The following KRTCAP2 variants were observed in gnomAD, a reference collection of about 807,000 sequenced individuals.
The protein encoded by KRTCAP2 is keratinocyte associated protein 2.
Under a neutral mutation model 16.5 loss-of-function variants are expected in KRTCAP2, and 10 were observed. The ratio of observed to expected loss-of-function variants is 0.60; its 90% confidence interval spans 0.37 to 1.02. The LOEUF (loss-of-function observed/expected upper bound fraction) is 1.02. Among genes scored for constraint, KRTCAP2 ranks in the 50% least tolerant of loss-of-function variants. The pLI, the probability that KRTCAP2 is intolerant of heterozygous loss-of-function variation, is 0.01. For missense variants in KRTCAP2, 152 were observed against 159.6 expected (o/e 0.95, Z 0.26); for synonymous variants, 68 against 69.8 (o/e 0.97, Z 0.13).
In KRTCAP2 at chr1:155,171,450, T is replaced by C. The variant is rs1346051574; in HGVS notation, c.223+1115A>G. ...AAAAAAAAAAAGAAGCAAGTGAAGGTAATACATATGGAAACAAAACCTAAC... is the reference window on the plus strand; with the variant it reads ...AAAAAAAAAAAGAAGCAAGTGAAGGCAATACATATGGAAACAAAACCTAAC... On this transcript the variant is annotated intron_variant, in intron 3 of 4. Transcript: ENST00000295682. 3 of 975,298 alleles carry C rather than the reference T, an allele frequency of 3.1e-6. No homozygotes were observed. The African/African-American group carries it at 5.5e-5, about 18-fold the overall frequency. The allele number at this position is 975,298 out of a possible 1,614,324, so 60.4% of individuals were successfully genotyped here. A position where few individuals can be genotyped will look rare whatever the true frequency, so the allele number is the denominator to read the frequency against.
intron 3 of KRTCAP2, chr1:155,170,190 C>A: frequency 4.3e-6 from 1 of 232,228 alleles, no homozygotes; most frequent in African/African-American, 2.3e-5. Context: ...AAAAATTTAG[C>A]CAGGTAGTAC....
intron 3 of KRTCAP2, 170 bp from the exon 4 acceptor site, chr1:155,170,027 A>C: frequency 1.8e-6 from 1 of 544,568 alleles, no homozygotes; most frequent in Non-Finnish European, 3.4e-6. Context: ...TACCCAGAAC[A>C]TGGAGGTAGG....
Position 155,172,747 on chromosome 1 carries a change from G to T in KRTCAP2, c.150C>A (p.Phe50Leu), listed in dbSNP as rs1475395765. 2 of 1,614,200 alleles carry T rather than the reference G, an allele frequency of 1.2e-6. No individual in the cohort carries two copies. The highest frequency in any genetic ancestry group is 1.7e-6 in the Non-Finnish European group (2 of 1,180,028). The change falls in exon 2 of 5, where the codon TTC becomes TTA. Residue 50 changes from phenylalanine to leucine, a missense_variant. Coordinates refer to ENST00000295682, the MANE Select transcript of KRTCAP2 (RefSeq NM_173852.4). ...ACTGCAGGGAGGATACAGTGAGCGAGAACACGAAGAGACCCGAACCAAGCA... is the reference window on the plus strand; with the variant it reads ...ACTGCAGGGAGGATACAGTGAGCGATAACACGAAGAGACCCGAACCAAGCA... Reference protein sequence around the residue: ...GGLLGSGLFVFSLTAFNNLEN... With the variant: ...GGLLGSGLFVLSLTAFNNLEN...
At chr1:155,170,202 G>A in intron 3 of KRTCAP2, 1 of 206,158 alleles carries the variant, frequency 4.9e-6, no homozygotes, top group Non-Finnish European at 1.0e-5. Context: ...AGGTAGTACA[G>A]TGGTACACAT....
intron 3 of KRTCAP2, chr1:155,171,626 A>C: frequency 1.0e-6 from 1 of 955,482 alleles, no homozygotes; most frequent in African/African-American, 1.8e-5. Flanking sequence ...GGGAGGCTGA[A>C]ATAGGAGGAT....
chr1:155,173,271 G>C lies in KRTCAP2; in HGVS notation c.-47C>G. The stretch of plus-strand genomic sequence containing the variant: ...ACCGGCGCCTCTGGCCAAGAAAGGC[G>C]AGCTGAACCGGGTGCGGTTAGCTAT... On this transcript the variant is annotated 5_prime_UTR_variant, in exon 1 of 5. Coordinates refer to ENST00000295682, the MANE Select transcript of KRTCAP2 (RefSeq NM_173852.4). 3 of 1,614,126 alleles carry C rather than the reference G, an allele frequency of 1.9e-6. No homozygotes were observed. The highest frequency in any genetic ancestry group is 1.1e-5 in the South Asian group (1 of 91,054).
chr1:155,173,049 C>T, intron 1 of KRTCAP2, 157 bp from the exon 2 acceptor site: 2 of 968,454 alleles, frequency 2.1e-6, no homozygotes, highest in South Asian at 1.5e-5. Flanking sequence ...CGCGCGGCAA[C>T]CCCTACGTAT....
chr1:155,172,885 A>G lies in KRTCAP2; in HGVS notation c.12T>C (p.Gly4=). The change falls in exon 2 of 5, where the codon GGT becomes GGC. Residue 4 remains glycine, a synonymous_variant. Transcript: ENST00000295682. The part of the protein sequence containing the change: MVV[G]TGTSLALSSL... Reference sequence around the variant, plus strand: ...AGGAGAGCGCCAGCGAGGTGCCCGTACCCACCACTGGAGGGGATGGGAGAA... The same window carrying G: ...AGGAGAGCGCCAGCGAGGTGCCCGTGCCCACCACTGGAGGGGATGGGAGAA... 1 of 1,613,692 alleles carries G rather than the reference A, an allele frequency of 6.2e-7. No homozygotes were observed. Among genetic ancestry groups the G allele is most frequent in the South Asian group, 1.1e-5 (1 of 91,062 alleles).
intron 3 of KRTCAP2, chr1:155,171,872 G>GTT: frequency 1.6e-6 from 1 of 635,864 alleles, no homozygotes; most frequent in Non-Finnish European, 1.9e-6. Flanking sequence ...AAAAAAAAGA[G>GTT]AAAAGATTAA....
chr1:155,173,197 TG>T, intron 1 of KRTCAP2, 23 bp downstream of exon 1: 1 of 1,606,612 alleles, frequency 6.2e-7, no homozygotes, highest in Non-Finnish European at 8.5e-7. Context: ...TAGGACTTCC[TG>T]GGGACCCCAC....
chr1:155,172,798 G>A lies in KRTCAP2; in HGVS notation c.99C>T (p.Thr33=). The change falls in exon 2 of 5, where the codon ACC becomes ACT. Residue 33 remains threonine (T), a synonymous_variant. Coordinates refer to ENST00000295682, the MANE Select transcript of KRTCAP2 (RefSeq NM_173852.4). ...MQMYSRQLAS[T]EWLTIQGGLL... ...GGCCGCCCTGGATGGTGAGCCACTCGGTGGAGGCCAGCTGACGGCTGTACA... is the reference window on the plus strand; with the variant it reads ...GGCCGCCCTGGATGGTGAGCCACTCAGTGGAGGCCAGCTGACGGCTGTACA... 1.9e-6 allele frequency: 3 copies of A among 1,614,250 alleles called. No individual in the cohort carries two copies. The highest frequency in any genetic ancestry group is 2.5e-6 in the Non-Finnish European group (3 of 1,180,040).
intron 3 of KRTCAP2, chr1:155,171,821 C>T (rs902195643): frequency 4.5e-6 from 4 of 896,746 alleles, no homozygotes; most frequent in Non-Finnish European, 5.3e-6. Context: ...GCACTCCAGC[C>T]TAGGCGACAG....
chr1:155,170,090 G>A (rs1003819564), intron 3 of KRTCAP2: 2 of 429,534 alleles, frequency 4.7e-6, no homozygotes, highest in Admixed American at 3.9e-5. Context: ...GGAGGCTGAG[G>A]TGGGCAGATC....
rs1427580170 is a variant in KRTCAP2, at chr1:155,169,484, G to C, written c.367C>G (p.Leu123Val). Reference protein sequence around the residue: ...STLYQAAAPVLTPAKVTGKSK... With the variant: ...STLYQAAAPVVTPAKVTGKSK... ...TTGCCTGTGACCTTGGCTGGTGTGA[G>C]GACTGGAGCTGCTGCCTGGTACAGG... is the stretch of plus-strand genomic sequence containing the variant. Residue 123 changes from leucine (L) to valine (V), a missense_variant, in exon 5 of 5, where the codon CTC (leucine) becomes GTC (valine). Leu to Val is a conservative substitution (Grantham distance 32). Coordinates refer to ENST00000295682, the MANE Select transcript of KRTCAP2 (RefSeq NM_173852.4). 1 of 1,614,104 alleles carries C rather than the reference G, an allele frequency of 6.2e-7. No individual in the cohort carries two copies. Among genetic ancestry groups the C allele is most frequent in the Admixed American group, 1.7e-5 (1 of 60,022 alleles).
At chr1:155,171,685 C>G in intron 3 of KRTCAP2, 1 of 654,324 alleles carries the variant, frequency 1.5e-6, no homozygotes, top group Non-Finnish European at 1.9e-6. Flanking sequence ...TGGTGAAACC[C>G]CATCTCTACA....
intron 2 of KRTCAP2, 46 bp downstream of exon 2, chr1:155,172,692 G>C: frequency 1.2e-6 from 2 of 1,614,122 alleles, no homozygotes; most frequent in African/African-American, 1.3e-5. Context: ...GAAGGGGAAG[G>C]GCACATGCCT....
intron 3 of KRTCAP2, chr1:155,171,583 C>T: frequency 1.0e-6 from 1 of 985,108 alleles, no homozygotes; most frequent in Non-Finnish European, 1.2e-6. Flanking sequence ...GGCAGCCAGG[C>T]ACAGTGGCTC....
rs891783309 is a variant in KRTCAP2 at position 155,172,693 on chromosome 1, G to C, written c.159+45C>G. ...CAGAGCTGTGTGGGGAAGGGGAAGG[G>C]CACATGCCTACGTGGCCCGCCCCCT... is the stretch of plus-strand genomic sequence containing the variant. On this transcript the variant is annotated intron_variant, in intron 2 of 4. Transcript: ENST00000295682. 4 of 1,613,994 alleles carry C rather than the reference G, an allele frequency of 2.5e-6. No homozygotes were observed. In the African/African-American group the frequency reaches 5.3e-5, roughly 22 times the overall value.
intron 4 of KRTCAP2, 95 bp downstream of exon 4, chr1:155,169,696 G>A: frequency 7.4e-7 from 1 of 1,350,924 alleles, no homozygotes; most frequent in Non-Finnish European, 1.0e-6. Flanking sequence ...AGAGAGAGAG[G>A]TAGGTGTGGA....
Sources: gnomAD v4.1 joint callset for allele counts on GRCh38, gnomAD v4.1.1 for gene constraint, MANE v1.5 for transcripts, NCBI Gene and HGNC (gene_info 2026-07-23, HGNC 2026-07-21) for gene names.